CKAP5: variants seen among roughly 807,000 people sequenced by gnomAD.
CKAP5 encodes cytoskeleton-associated protein 5.
Under a neutral mutation model 232.8 loss-of-function variants are expected in CKAP5, and 27 were observed. That is an observed-to-expected ratio of 0.12 (90% CI 0.09 to 0.16). The LOEUF is 0.16. Ranked by LOEUF, CKAP5 falls within the 10% of genes least tolerant of loss-of-function variation. The pLI is 1.00. For synonymous variants in CKAP5, 785 were observed against 841.1 expected, an observed-to-expected ratio of 0.93 and a Z score of 1.16; for missense variants, 1,838 against 2,424.7, an observed-to-expected ratio of 0.76 and a Z score of 5.08.
At position 46,751,239 on chromosome 11, in the gene CKAP5, G is replaced by A. The variant is rs778203793; in HGVS notation, c.5339C>T (p.Thr1780Met). ...LKGPKILDHL[T>M]MIDNKNESEL... ...AGACTCGTTTTTGTTGTCGATCATCGTTAGGTGGTCCAGGATCTGAGGGAG... is the reference window on the plus strand; with the variant it reads ...AGACTCGTTTTTGTTGTCGATCATCATTAGGTGGTCCAGGATCTGAGGGAG... Residue 1780 changes from threonine (T) to methionine (M), a missense_variant, in exon 40 of 44, where the codon ACG becomes ATG. Around this residue, in one of 6 missense-constraint regions of CKAP5, gnomAD observed 579 missense variants for 843.2 expected, o/e 0.69. Transcript: ENST00000529230. 7 of 1,614,042 alleles carry A rather than the reference G, an allele frequency of 4.3e-6. No homozygotes were observed. The highest frequency in any genetic ancestry group is 5.1e-6 in the Non-Finnish European group (6 of 1,180,040).
rs1938782763 is a variant in CKAP5 at position 46,793,206 on chromosome 11, GATA to G, written c.1650+2385_1650+2387del. ...TAGTTTCATTTTTTGGAAAAACAAGGATAATGAATACCTACCTCAAGAGTTGTT... is the reference window on the plus strand; with the variant it reads ...TAGTTTCATTTTTTGGAAAAACAAGGATGAATACCTACCTCAAGAGTTGTT... On this transcript the variant is annotated intron_variant, in intron 13 of 43. Transcript: ENST00000529230. Among the ~76,000 whole-genome samples, 4 of 152,340 alleles carry G rather than the reference GATA, an allele frequency of 2.6e-5. 1 individual carries two copies. The South Asian group carries it at 6.2e-4, about 24-fold the overall frequency.
At chr11:46,829,270 A>T (rs1939722336) in intron 1 of CKAP5, among the ~76,000 whole-genome samples, 1 of 152,196 alleles carries the variant, frequency 6.6e-6, no homozygotes, top group Non-Finnish European at 1.5e-5. Context: ...ACAAGGATGA[A>T]GACCTTTATG....
rs1018291341 is a variant in CKAP5 at position 46,743,577 on chromosome 11, A to T, written c.*446T>A. The T allele has an allele frequency of 1.8e-5, 3 of 165,020 alleles. No individual in the cohort carries two copies. The highest frequency in any genetic ancestry group is 7.2e-5 in the African/African-American group (3 of 41,622). The allele number at this position is 165,020 out of a possible 1,614,324, so 10.2% of individuals were successfully genotyped here. On this transcript the variant is annotated 3_prime_UTR_variant, in exon 44 of 44. Coordinates refer to ENST00000529230, the MANE Select transcript of CKAP5 (RefSeq NM_001008938.4). Reference sequence around the variant, plus strand: ...AAACTTTATTTATAAAAGACTCTTAAATTAGTTGTATCATGCCATGCATTC... The same window carrying T: ...AAACTTTATTTATAAAAGACTCTTATATTAGTTGTATCATGCCATGCATTC...
intron 2 of CKAP5, among the ~76,000 whole-genome samples, chr11:46,820,391 A>C (rs1012810336): frequency 1.3e-5 from 2 of 152,174 alleles, no homozygotes; most frequent in African/African-American, 2.4e-5. Context: ...TCTACTCTAC[A>C]TAGGTAGAAC....
In CKAP5 at chr11:46,744,252, G is replaced by A; in HGVS notation, c.5870C>T (p.Pro1957Leu). ...GLDNTKQDDR[P>L]PLTSLLSKPA... ...TTTGGAGAGCAAAGAGGTCAAAGGA[G>A]GTCGGTCATCTTGCTATTGAGAGAA... The change falls in exon 44 of 44, where the codon CCT (proline) becomes CTT (leucine). Residue 1957 changes from proline (P) to leucine (L), a missense_variant. Transcript: ENST00000529230. 2 of 1,614,076 alleles carry A rather than the reference G, an allele frequency of 1.2e-6. No homozygotes were observed. The highest frequency in any genetic ancestry group is 1.7e-6 in the Non-Finnish European group (2 of 1,180,006).
intron 15 of CKAP5, among the ~76,000 whole-genome samples, 197 bp downstream of exon 15, chr11:46,789,879 C>T (rs968070990): frequency 3.3e-5 from 5 of 152,116 alleles, no homozygotes; most frequent in African/African-American, 1.2e-4. Context: ...CTTATAAAGG[C>T]CATAGAATAC....
chr11:46,783,577 C>T (rs535665915), intron 17 of CKAP5, among the ~76,000 whole-genome samples: 4 of 146,588 alleles, frequency 2.7e-5, no homozygotes, highest in Admixed American at 2.1e-4. Context: ...AGCTTTGCAG[C>T]AATTACTCTG....
chr11:46,842,334 C>G (rs1034425358), intron 1 of CKAP5, among the ~76,000 whole-genome samples: 3 of 152,172 alleles, frequency 2.0e-5, no homozygotes, highest in African/African-American at 7.2e-5. Flanking sequence ...CAGTCTGATT[C>G]CATAAATGCC....
chr11:46,752,422 C>T (rs1457516603), intron 38 of CKAP5, among the ~76,000 whole-genome samples: 1 of 151,286 alleles, frequency 6.6e-6, no homozygotes, highest in Non-Finnish European at 1.5e-5. Flanking sequence ...CTCAACTCAG[C>T]CTCCTGAGTA....
chr11:46,766,161 T>A (rs954326589), intron 27 of CKAP5, among the ~76,000 whole-genome samples: 3 of 152,238 alleles, frequency 2.0e-5, no homozygotes, highest in Non-Finnish European at 2.9e-5. Context: ...TTATTATAAA[T>A]GTAGCATGGC....
rs960851247 is a variant in CKAP5 at position 46,743,985 on chromosome 11, A to C, written c.*38T>G. 6.2e-7 allele frequency: 1 copy of C among 1,611,434 alleles called. No homozygotes were observed. Among genetic ancestry groups the C allele is most frequent in the Non-Finnish European group, 8.5e-7 (1 of 1,179,656 alleles). On this transcript the variant is annotated 3_prime_UTR_variant, in exon 44 of 44. Transcript: ENST00000529230. ...AAACTATGAGGACTTCTAGTTTAGT[A>C]AACTAAAGCTGCAGGGTGCCGGGGG...
At chr11:46,749,886 C>T (rs1188691496) in intron 42 of CKAP5, among the ~76,000 whole-genome samples, 2 of 150,288 alleles carry the variant, frequency 1.3e-5, no homozygotes, top group African/African-American at 4.9e-5. Context: ...GAGATTGCAC[C>T]ACTGCACTCC....
chr11:46,790,519 T>C lies in CKAP5; in HGVS notation c.1715A>G (p.Lys572Arg). Reference protein sequence around the residue: ...APGGAGNTGTKNKKGLETKEI... With the variant: ...APGGAGNTGTRNKKGLETKEI... ...TTTAGTCTCCAGTCCTTTCTTGTTCTTGGTTCCAGTATTCCCTGCGCCTCC... is the reference window on the plus strand; with the variant it reads ...TTTAGTCTCCAGTCCTTTCTTGTTCCTGGTTCCAGTATTCCCTGCGCCTCC... Residue 572 changes from lysine (K) to arginine (R), a missense_variant, in exon 14 of 44, where the codon AAG (lysine) becomes AGG (arginine). This residue lies in a region of CKAP5 where 767 missense variants were observed against 954.6 expected (regional missense o/e 0.80). Transcript: ENST00000529230. 1 of 1,614,196 alleles carries C rather than the reference T, an allele frequency of 6.2e-7. No homozygotes were observed. Among genetic ancestry groups the C allele is most frequent in the Non-Finnish European group, 8.5e-7 (1 of 1,180,018 alleles).
intron 36 of CKAP5, 139 bp downstream of exon 36, chr11:46,754,739 AAGCCATCAGT>A: frequency 3.5e-6 from 2 of 575,270 alleles, no homozygotes; most frequent in Non-Finnish European, 6.0e-6. Context: ...CATCCAATGG[AAGCCATCAGT>A]AGCTTGCTAT....
chr11:46,752,672 G>T lies in CKAP5; in HGVS notation c.5096C>A (p.Thr1699Lys). 6.2e-7 allele frequency: 1 copy of T among 1,613,176 alleles called. No homozygotes were observed. Among genetic ancestry groups the T allele is most frequent in the Middle Eastern group, 1.7e-4 (1 of 6,058 alleles). ...CTCTGAGAATTTGGGAGAACTGGCT[G>T]TTGCTAGCAGGCTGTCTTGGAGCAA... ...LVLLQDSLLA[T>K]ASSPKFSELV... is the part of the protein sequence containing the mutation. The change falls in exon 38 of 44, where the codon ACA becomes AAA. Residue 1699 changes from threonine (T) to lysine (K), a missense_variant. By Grantham distance (78) the Thr-to-Lys change is moderately conservative (BLOSUM62 -1). This residue lies in a region of CKAP5 where 579 missense variants were observed against 843.2 expected (regional missense o/e 0.69). Transcript: ENST00000529230.
chr11:46,822,741 C>CAAAAAAAAAAA (rs57170422), intron 1 of CKAP5, among the ~76,000 whole-genome samples: 7 of 77,876 alleles, frequency 9.0e-5, no homozygotes, highest in African/African-American at 3.5e-4. Context: ...GACTCCGTCC[C>CAAAAAAAAAAA]AAAAAAAAAA....
rs2065008556 is a variant in CKAP5, at chr11:46,744,545, G to A, written c.5737C>T (p.Pro1913Ser). The A allele has an allele frequency of 1.9e-6, 3 of 1,614,070 alleles. No homozygotes were observed. Among genetic ancestry groups the A allele is most frequent in the Non-Finnish European group, 2.5e-6 (3 of 1,179,972 alleles). ...GAGGACACTGTGCTTGTGGGCGTGG[G>A]CACACATGTGACTTCCATCTGAGGG... is the stretch of plus-strand genomic sequence containing the variant. ...ISPQMEVTCV[P>S]TPTSTVSSIG... The change falls in exon 43 of 44, where the codon CCC (proline) becomes TCC (serine). Residue 1913 changes from proline to serine, a missense_variant. This residue lies in a region of CKAP5 where 579 missense variants were observed against 843.2 expected (regional missense o/e 0.69). Transcript: ENST00000529230.
At chr11:46,844,038 T>C (rs1055548480) in intron 1 of CKAP5, among the ~76,000 whole-genome samples, 1 of 152,092 alleles carries the variant, frequency 6.6e-6, no homozygotes, top group East Asian at 1.9e-4. Flanking sequence ...CTGGCCAACA[T>C]AGTGAAACCC....
intron 17 of CKAP5, among the ~76,000 whole-genome samples, 198 bp from the exon 18 acceptor site, chr11:46,783,566 T>A (rs1213555748): frequency 6.6e-6 from 1 of 150,958 alleles, no homozygotes; most frequent in African/African-American, 2.4e-5. Flanking sequence ...GGACTATTTA[T>A]AGCTTTGCAG....
Sources: allele counts gnomAD v4.1 joint callset (sites outside exome capture counted in the v4.1 genomes callset), GRCh38; gene constraint gnomAD v4.1.1; regional missense constraint gnomAD v4.1.1; transcripts MANE v1.5; gene names NCBI Gene and HGNC (gene_info 2026-07-23, HGNC 2026-07-21).